The following PPP2R2B variants were observed in gnomAD, a reference collection of about 807,000 sequenced individuals.
The protein encoded by PPP2R2B is serine/threonine-protein phosphatase 2A 55 kDa regulatory subunit B beta isoform.
A neutral mutation model predicts 46.0 loss-of-function variants in PPP2R2B; 5 were observed. That is an observed-to-expected ratio of 0.11 (90% CI 0.06 to 0.23). The LOEUF is 0.23. PPP2R2B is among the 10% of genes least tolerant of loss of function. The pLI, the probability that PPP2R2B is intolerant of heterozygous loss-of-function variation, is 1.00. For missense variants in PPP2R2B, 367 were observed against 575.0 expected (o/e 0.64, Z 3.70); for synonymous variants, 215 against 206.7 (o/e 1.04, Z -0.34).
upstream of PPP2R2B, among the ~76,000 whole-genome samples, chr5:146,880,700 G>T (rs571116833): frequency 1.5e-3 from 224 of 152,276 alleles, no homozygotes; most frequent in Middle Eastern, 6.8e-3. Context: ...CATTGGCCAG[G>T]CTGTGCTTGA....
upstream of PPP2R2B, among the ~76,000 whole-genome samples, chr5:147,056,744 C>G (rs1007123442): frequency 1.3e-5 from 2 of 152,060 alleles, no homozygotes; most frequent in Non-Finnish European, 1.5e-5. Context: ...CATGACCAAC[C>G]ACAAGATATA....
chr5:146,760,090 C>A (rs1038481795), intron 2 of PPP2R2B, among the ~76,000 whole-genome samples: 2 of 152,112 alleles, frequency 1.3e-5, no homozygotes, highest in African/African-American at 4.8e-5. Context: ...ATGATAATTG[C>A]ATACAAAGCA....
In PPP2R2B at chr5:146,668,949, A is replaced by G. The variant is rs907904852; in HGVS notation, c.448-18225T>C. ...AATTCATTTTCTTCCTGAAGGAAGG[A>G]ATATAAATTATTTTCTCCAATAGCC... On this transcript the variant is annotated intron_variant, in intron 5 of 9. Transcript: ENST00000394411. Among the ~76,000 whole-genome samples the G allele has an allele frequency of 2.0e-5, 3 of 152,216 alleles. No homozygotes were observed. The South Asian group carries it at 6.2e-4, about 31-fold the overall frequency.
At chr5:146,609,501 G>A (rs28884884) in intron 7 of PPP2R2B, among the ~76,000 whole-genome samples, 3,187 of 152,266 alleles carry the variant, frequency 0.021, 50 homozygotes, top group Admixed American at 0.064. Context: ...CAAGATGGCC[G>A]AATAGGAACA....
chr5:146,773,153 CA>C (rs1754976611), intron 2 of PPP2R2B, among the ~76,000 whole-genome samples: 1 of 152,196 alleles, frequency 6.6e-6, no homozygotes, highest in Non-Finnish European at 1.5e-5. Context: ...AACAGAAACA[CA>C]TTACTTCCCT....
rs1368901745 is a variant in PPP2R2B, at chr5:146,886,928, GAC to G, written c.79+168735_79+168736del. The stretch of plus-strand genomic sequence containing the variant: ...TTTTCTTCCCACCAGGAAGTCAAGA[GAC>G]ACATAAAACAATTCTGGTCACATAT... On this transcript the variant is annotated intron_variant, in intron 1 of 8. Transcript: ENST00000336640. Among the ~76,000 whole-genome samples the G allele has an allele frequency of 2.6e-5, 4 of 151,724 alleles. No individual in the cohort carries two copies. In the East Asian group the frequency reaches 5.8e-4, roughly 22 times the overall value.
At chr5:146,782,663 C>T (rs921249005) in intron 2 of PPP2R2B, among the ~76,000 whole-genome samples, 1 of 152,014 alleles carries the variant, frequency 6.6e-6, no homozygotes, top group Non-Finnish European at 1.5e-5. Flanking sequence ...TTGTTTTTTT[C>T]CTTGCCCATT....
In PPP2R2B at chr5:146,737,751, C is replaced by T. The variant is rs113806287; in HGVS notation, c.71-36609G>A. Among the ~76,000 whole-genome samples the T allele has an allele frequency of 7.6e-3, 1,163 of 152,150 alleles. 21 individuals are homozygous for T. The highest frequency in any genetic ancestry group is 0.027 in the African/African-American group (1,113 of 41,504). On this transcript the variant is annotated intron_variant, in intron 2 of 9. Coordinates refer to ENST00000394411, the MANE Select transcript of PPP2R2B (RefSeq NM_181675.4). ...GGTGTTATATTTATGGTGGGTGTCA[C>T]GGTCTTCTTTGAGTGTATTTGGTTT...
intron 1 of PPP2R2B, among the ~76,000 whole-genome samples, chr5:146,915,550 G>A (rs1763356401): frequency 6.6e-6 from 1 of 151,872 alleles, no homozygotes; most frequent in East Asian, 1.9e-4. Flanking sequence ...TGAAATTTTA[G>A]CACTCCAGGC....
At chr5:146,621,474 A>G (rs916307413) in intron 7 of PPP2R2B, among the ~76,000 whole-genome samples, 1 of 152,196 alleles carries the variant, frequency 6.6e-6, no homozygotes, top group African/African-American at 2.4e-5. Context: ...CCTGGTGCTG[A>G]GAACAGACAC....
intron 5 of PPP2R2B, among the ~76,000 whole-genome samples, chr5:146,665,609 G>A (rs1006669947): frequency 3.3e-5 from 5 of 152,212 alleles, no homozygotes; most frequent in East Asian, 3.8e-4. Flanking sequence ...GCTCTCTGAA[G>A]TAGCATTTTT....
chr5:146,757,970 A>T (rs973401293), intron 2 of PPP2R2B, among the ~76,000 whole-genome samples: 2 of 152,176 alleles, frequency 1.3e-5, no homozygotes, highest in Non-Finnish European at 2.9e-5. Flanking sequence ...ACATAAGGAG[A>T]TGTCCAAAGG....
At chr5:146,674,995 G>A (rs189501579) in intron 5 of PPP2R2B, among the ~76,000 whole-genome samples, 110 of 152,084 alleles carry the variant, frequency 7.2e-4, no homozygotes, top group African/African-American at 2.4e-3. Flanking sequence ...ATGGAGTCTC[G>A]CTCTGTTGCC....
chr5:146,628,932 C>T (rs1413902460), intron 7 of PPP2R2B, among the ~76,000 whole-genome samples: 1 of 152,162 alleles, frequency 6.6e-6, no homozygotes, highest in Admixed American at 6.5e-5. Context: ...CTGCTCACTT[C>T]CCTGGTAGCT....
intron 1 of PPP2R2B, among the ~76,000 whole-genome samples, chr5:146,936,493 CA>C (rs1764145251): frequency 7.8e-6 from 1 of 128,174 alleles, no homozygotes; most frequent in South Asian, 2.6e-4. Flanking sequence ...AAACCCTAGA[CA>C]GTTATGAAGG....
At chr5:146,677,169 CA>C (rs1395539428) in intron 5 of PPP2R2B, among the ~76,000 whole-genome samples, 1 of 152,192 alleles carries the variant, frequency 6.6e-6, no homozygotes, top group East Asian at 1.9e-4. Context: ...AGTTTCTAAA[CA>C]TCTGTATATT....
chr5:146,880,179 TTG>T (rs57151657), upstream of PPP2R2B, among the ~76,000 whole-genome samples: 65,306 of 137,778 alleles, frequency 0.47, 15,242 homozygotes, highest in South Asian at 0.57. Context: ...CATAGTTATT[TTG>T]TGTGTGTGTG....
chr5:146,779,402 C>T (rs749771532), intron 2 of PPP2R2B, among the ~76,000 whole-genome samples: 5 of 152,212 alleles, frequency 3.3e-5, no homozygotes, highest in East Asian at 3.9e-4. Context: ...TACAGTGAGG[C>T]GTGCGATTGG....
At chr5:146,716,083 G>T (rs1780481680) in intron 2 of PPP2R2B, among the ~76,000 whole-genome samples, 2 of 151,952 alleles carry the variant, frequency 1.3e-5, no homozygotes, top group African/African-American at 4.8e-5. Context: ...CTTGTGGGCA[G>T]GATCTTCTGC....
Sources: gnomAD v4.1 joint callset for allele counts (sites outside exome capture counted in the v4.1 genomes callset) on GRCh38, gnomAD v4.1.1 for gene constraint, MANE v1.5 for transcripts, NCBI Gene and HGNC (gene_info 2026-07-23, HGNC 2026-07-21) for gene names.